RFC5: variants seen among roughly 807,000 people sequenced by gnomAD.
The protein encoded by RFC5 is replication factor C subunit 5, also known as A1 36 kDa subunit.
A neutral mutation model predicts 44.3 loss-of-function variants in RFC5; 26 were observed. That is an observed-to-expected ratio of 0.59 (90% CI 0.43 to 0.81). RFC5 has a LOEUF of 0.81. Among genes scored for constraint, RFC5 ranks in the 40% least tolerant of loss-of-function variants. The probability of loss-of-function intolerance (pLI) is 0.00; values close to 1 mark genes in which losing one functional copy is unlikely to be tolerated. For synonymous variants in RFC5, 155 were observed against 155.2 expected, an observed-to-expected ratio of 1.00 and a Z score of 0.01; for missense variants, 328 against 418.6, an observed-to-expected ratio of 0.78 and a Z score of 1.89.
chr12:118,029,911 GT>G, intron 10 of RFC5, 86 bp downstream of exon 10: 2 of 1,029,288 alleles, frequency 1.9e-6, no homozygotes, highest in South Asian at 1.3e-5. Context: ...TTGGTTTCAG[GT>G]TTTTTTCCTA....
intron 9 of RFC5, among the ~76,000 whole-genome samples, chr12:118,029,455 A>G (rs1392826397): frequency 2.6e-5 from 4 of 152,220 alleles, no homozygotes; most frequent in Non-Finnish European, 4.4e-5. Flanking sequence ...AAAAACAGCA[A>G]GTGGGAACTC....
chr12:118,041,173 C>T, the RFC5 span, among the ~76,000 whole-genome samples: 7 of 152,186 alleles, frequency 4.6e-5, no homozygotes, highest in Non-Finnish European at 1.5e-5. Flanking sequence ...ATGTGCCCCC[C>T]ACACATAAAG....
chr12:118,018,428 G>A (rs5745806), intron 1 of RFC5, among the ~76,000 whole-genome samples: 5,014 of 152,104 alleles, frequency 0.033, 269 homozygotes, highest in African/African-American at 0.11. Context: ...CAGCATTCCT[G>A]GAGACTACAC....
intron 5 of RFC5, among the ~76,000 whole-genome samples, chr12:118,023,176 A>G (rs1473768208): frequency 6.6e-6 from 1 of 151,756 alleles, no homozygotes; most frequent in Non-Finnish European, 1.5e-5. Context: ...CAGAGAGCTG[A>G]TATTACTTCA....
downstream of RFC5, among the ~76,000 whole-genome samples, chr12:118,037,452 A>T (rs1326397581): frequency 6.6e-6 from 1 of 152,138 alleles, no homozygotes; most frequent in Admixed American, 6.5e-5. Flanking sequence ...GGATCACCTG[A>T]GGTCAGGAGT....
At chr12:118,034,893 G>T (rs745760279), downstream of RFC5, 8 of 1,245,768 alleles carry the variant, frequency 6.4e-6, no homozygotes, top group Non-Finnish European at 7.9e-6. Flanking sequence ...TTCCTCATAG[G>T]CAAGAAAATT....
chr12:118,027,227 T>G lies in RFC5; in HGVS notation c.793+209T>G, dbSNP rs2031010856. 4 of 552,166 alleles carry G rather than the reference T, an allele frequency of 7.2e-6. No individual in the cohort carries two copies. The Admixed American group carries it at 9.4e-5, about 13-fold the overall frequency. 34.2% of individuals were successfully genotyped at this position (552,166 alleles called of 1,614,324 possible). A position where few individuals can be genotyped will look rare whatever the true frequency, so the allele number is the denominator to read the frequency against. ...TTCTTGGAGGGCTCTGACCTTCAAG[T>G]CAGGGTAAGGCTTGAAGCAGCTTCA... On this transcript the variant is annotated intron_variant, in intron 8 of 10. Coordinates refer to ENST00000454402, the MANE Select transcript of RFC5 (RefSeq NM_007370.7).
chr12:118,027,157 T>C (rs2031005340), intron 8 of RFC5, 139 bp downstream of exon 8: 2 of 794,062 alleles, frequency 2.5e-6, no homozygotes, highest in Non-Finnish European at 4.1e-6. Context: ...GGGAGTGAGA[T>C]GTCTGTAGGT....
intron 9 of RFC5, 60 bp downstream of exon 9, chr12:118,028,090 A>G: frequency 2.0e-6 from 2 of 1,016,036 alleles, no homozygotes; most frequent in South Asian, 2.5e-5. Flanking sequence ...TTTGGGGTTA[A>G]GGATGGTTAG....
downstream of RFC5, chr12:118,032,988 T>C (rs1321094931): frequency 6.6e-6 from 1 of 152,166 alleles, no homozygotes; most frequent in African/African-American, 2.4e-5. Flanking sequence ...GCAACAAAGG[T>C]GGTAGAGGAA....
At position 118,025,750 on chromosome 12, in the gene RFC5, T is replaced by C. The variant is rs768519026; in HGVS notation, c.585T>C (p.Val195=). 6.3e-7 allele frequency: 1 copy of C among 1,595,860 alleles called. No individual in the cohort carries two copies. Among genetic ancestry groups the C allele is most frequent in the South Asian group, 1.1e-5 (1 of 90,616 alleles). The change falls in exon 7 of 11, where the codon GTT becomes GTC. Residue 195 remains valine (V), a synonymous_variant. Transcript: ENST00000454402. ...RLEHVVEEEK[V]DISEDGMKAL... ...CCCTTTTGCTTATTTCTTTCAGAGT[T>C]GATATAAGTGAAGATGGAATGAAAG...
chr12:118,039,956 G>A, the RFC5 span, among the ~76,000 whole-genome samples: 1 of 151,948 alleles, frequency 6.6e-6, no homozygotes, highest in East Asian at 1.9e-4. Context: ...ATGTTGGCTA[G>A]GCTGGTCTCG....
chr12:118,032,861 G>C (rs1242310249), downstream of RFC5: 1 of 151,844 alleles, frequency 6.6e-6, no homozygotes, highest in Non-Finnish European at 1.5e-5. Flanking sequence ...TTTAAAAGGG[G>C]ACTTTTTTTT....
intron 1 of RFC5, among the ~76,000 whole-genome samples, chr12:118,018,410 A>G (rs758270745): frequency 1.4e-4 from 22 of 152,088 alleles, no homozygotes; most frequent in Non-Finnish European, 2.5e-4. Context: ...GCACTGTAGC[A>G]TGTTTAACAG....
the RFC5 span, among the ~76,000 whole-genome samples, chr12:118,039,102 C>G: frequency 2.0e-5 from 3 of 152,128 alleles, no homozygotes; most frequent in Admixed American, 2.0e-4. Context: ...GTAATGGTTT[C>G]TCTGTAATCA....
chr12:118,039,928 T>C, the RFC5 span, among the ~76,000 whole-genome samples: 1 of 151,990 alleles, frequency 6.6e-6, no homozygotes, highest in African/African-American at 2.4e-5. Context: ...ATATTTTTAG[T>C]AGAGCCGGAG....
At chr12:118,020,808 C>T (rs2030431794) in intron 3 of RFC5, 98 bp from the exon 4 acceptor site, 1 of 670,094 alleles carries the variant, frequency 1.5e-6, no homozygotes. Flanking sequence ...GAGAGCTAGC[C>T]TGCTGAGCTG....
At position 118,018,201 on chromosome 12, in the gene RFC5, A is replaced by C. The variant is rs2137686530; in HGVS notation, c.66-871A>C. Reference sequence around the variant, plus strand: ...ATATTCCATTGTATGGACAGAAGAGATTTTACCTATCCATTCTTCTGTTGA... The same window carrying C: ...ATATTCCATTGTATGGACAGAAGAGCTTTTACCTATCCATTCTTCTGTTGA... On this transcript the variant is annotated intron_variant, in intron 1 of 10. Coordinates refer to ENST00000454402, the MANE Select transcript of RFC5 (RefSeq NM_007370.7). The C allele has an allele frequency of 1.5e-5, 8 of 538,852 alleles. No individual in the cohort carries two copies. The South Asian group carries it at 2.1e-4, about 14-fold the overall frequency. 33.4% of individuals were successfully genotyped at this position (538,852 alleles called of 1,614,324 possible).
At chr12:118,017,868 A>C (rs1182138049) in intron 1 of RFC5, 2 of 667,732 alleles carry the variant, frequency 3.0e-6, no homozygotes, top group African/African-American at 3.5e-5. Context: ...ATTCAGTGGC[A>C]TTAAGTACAT....
Sources: gnomAD v4.1 joint callset for allele counts (sites outside exome capture counted in the v4.1 genomes callset) on GRCh38, gnomAD v4.1.1 for gene constraint, MANE v1.5 for transcripts, NCBI Gene and HGNC (gene_info 2026-07-23, HGNC 2026-07-21) for gene names.